GBE1: variants seen among roughly 807,000 people sequenced by gnomAD.
The protein encoded by GBE1 is 1,4-alpha-glucan branching enzyme 1.
A neutral mutation model predicts 88.8 loss-of-function variants in GBE1; 70 were observed. That is an observed-to-expected ratio of 0.79 (90% CI 0.65 to 0.96). GBE1 has a LOEUF of 0.96. Ranked by LOEUF, GBE1 falls within the 40% of genes least tolerant of loss-of-function variation. The pLI, the probability that GBE1 is intolerant of heterozygous loss-of-function variation, is 0.00. For synonymous variants in GBE1, 284 were observed against 300.1 expected, an observed-to-expected ratio of 0.95 and a Z score of 0.56; for missense variants, 872 against 871.0, an observed-to-expected ratio of 1.00 and a Z score of -0.01.
chr3:81,755,950 T>C (rs1706596442), intron 1 of GBE1, among the ~76,000 whole-genome samples: 1 of 152,156 alleles, frequency 6.6e-6, no homozygotes, highest in African/African-American at 2.4e-5. Flanking sequence ...TTTTTTTTAA[T>C]TTCTTGGAGT....
At chr3:81,721,309 T>C (rs112216177) in intron 1 of GBE1, among the ~76,000 whole-genome samples, 1 of 148,372 alleles carries the variant, frequency 6.7e-6, no homozygotes, top group Admixed American at 6.7e-5. Context: ...ATCTGTGTGC[T>C]AATAATGTCA....
At chr3:81,631,607 T>C (rs1323057333) in intron 7 of GBE1, among the ~76,000 whole-genome samples, 3 of 149,194 alleles carry the variant, frequency 2.0e-5, no homozygotes, top group Admixed American at 6.7e-5. Context: ...ATTAGCCAGG[T>C]GTGGTGGTGT....
At chr3:81,744,153 T>C (rs969896267) in intron 1 of GBE1, among the ~76,000 whole-genome samples, 1 of 152,084 alleles carries the variant, frequency 6.6e-6, no homozygotes, top group African/African-American at 2.4e-5. Context: ...CTGTCTAATA[T>C]GGTAGCCACC....
At chr3:81,758,885 T>A (rs1372761869) in intron 1 of GBE1, among the ~76,000 whole-genome samples, 2 of 152,336 alleles carry the variant, frequency 1.3e-5, no homozygotes, top group African/African-American at 2.4e-5. Context: ...CATCTTGAAT[T>A]CCCACGTGTT....
intron 5 of GBE1, among the ~76,000 whole-genome samples, chr3:81,647,877 C>T (rs1454870855): frequency 6.6e-6 from 1 of 152,084 alleles, no homozygotes; most frequent in African/African-American, 2.4e-5. Flanking sequence ...ATTCCAGGTA[C>T]TAGGCTAGAC....
intron 2 of GBE1, among the ~76,000 whole-genome samples, chr3:81,682,759 AT>A (rs1434955156): frequency 6.6e-6 from 1 of 152,236 alleles, no homozygotes; most frequent in Non-Finnish European, 1.5e-5. Flanking sequence ...TGGATATCCA[AT>A]TGAAATGAAA....
chr3:81,655,982 TTTTTG>T (rs1438035552), intron 3 of GBE1, among the ~76,000 whole-genome samples: 1 of 152,210 alleles, frequency 6.6e-6, no homozygotes, highest in Non-Finnish European at 1.5e-5. Flanking sequence ...CTTATCCTTG[TTTTTG>T]TTTTGTTTTG....
chr3:81,691,815 T>C (rs1705525738), intron 2 of GBE1, among the ~76,000 whole-genome samples: 1 of 152,004 alleles, frequency 6.6e-6, no homozygotes, highest in Admixed American at 6.6e-5. Flanking sequence ...AATAATACAG[T>C]TGAATCAAGC....
At chr3:81,496,070 C>T (rs1414609457) in intron 15 of GBE1, among the ~76,000 whole-genome samples, 2 of 152,138 alleles carry the variant, frequency 1.3e-5, no homozygotes, top group East Asian at 1.9e-4. Flanking sequence ...AAGGAAGTCC[C>T]CTGCCTCCAG....
chr3:81,745,896 G>A lies in GBE1; in HGVS notation c.143+15479C>T, dbSNP rs184421777. On this transcript the variant is annotated intron_variant, in intron 1 of 15. Coordinates refer to ENST00000429644, the MANE Select transcript of GBE1 (RefSeq NM_000158.4). ...CTAATCAATTTCTATTTGGAAAGTG[G>A]CATGCTATGATTTCTAATATATTTA... Among the ~76,000 whole-genome samples the A allele has an allele frequency of 1.1e-4, 16 of 152,108 alleles. No individual in the cohort carries two copies. In the East Asian group the frequency reaches 2.9e-3, roughly 28 times the overall value.
chr3:81,628,762 T>TGC (rs1704457415), intron 7 of GBE1, among the ~76,000 whole-genome samples: 1 of 123,902 alleles, frequency 8.1e-6, no homozygotes, highest in Non-Finnish European at 1.7e-5. Flanking sequence ...TATATATATA[T>TGC]ATATATATAT....
chr3:81,671,949 G>C (rs1705196597), intron 2 of GBE1, among the ~76,000 whole-genome samples: 1 of 151,838 alleles, frequency 6.6e-6, no homozygotes, highest in South Asian at 2.1e-4. Context: ...GAAGAACATT[G>C]TAAGTCAATG....
At chr3:81,577,237 C>T (rs1282246032) in intron 12 of GBE1, among the ~76,000 whole-genome samples, 1 of 152,056 alleles carries the variant, frequency 6.6e-6, no homozygotes, top group Non-Finnish European at 1.5e-5. Flanking sequence ...GCACCACCCA[C>T]CCTGAGTCTT....
Position 81,515,198 on chromosome 3 carries a change from G to A in GBE1, c.1935-15971C>T, listed in dbSNP as rs539745272. Among the ~76,000 whole-genome samples, 468 of 151,292 alleles carry A rather than the reference G, an allele frequency of 3.1e-3. 1 individual carries two copies. The highest frequency in any genetic ancestry group is 0.01 in the African/African-American group (432 of 41,400). On this transcript the variant is annotated intron_variant, in intron 14 of 15. Transcript: ENST00000429644. ...AACGCTGCATCCAGCAAGTGTATTC[G>A]TGCCATTTTCCAATAGCATGTGTTC...
intron 2 of GBE1, among the ~76,000 whole-genome samples, chr3:81,701,510 A>AG (rs1162882724): frequency 2.0e-5 from 3 of 151,718 alleles, no homozygotes; most frequent in Admixed American, 2.0e-4. Flanking sequence ...TGCAAATAAG[A>AG]GGGTTTTTTT....
intron 14 of GBE1, among the ~76,000 whole-genome samples, chr3:81,501,079 C>G (rs1702580084): frequency 6.6e-6 from 1 of 152,086 alleles, no homozygotes; most frequent in Non-Finnish European, 1.5e-5. Context: ...CAGTAACAAA[C>G]CTGCACATGT....
intron 1 of GBE1, among the ~76,000 whole-genome samples, chr3:81,714,768 G>A (rs1177840406): frequency 6.6e-6 from 1 of 152,180 alleles, no homozygotes; most frequent in Non-Finnish European, 1.5e-5. Flanking sequence ...AGTTCTAGAG[G>A]CTGCGAAGTC....
intron 7 of GBE1, among the ~76,000 whole-genome samples, chr3:81,613,335 C>A (rs1034802821): frequency 6.6e-6 from 1 of 151,882 alleles, no homozygotes; most frequent in Non-Finnish European, 1.5e-5. Context: ...GAATCAACAC[C>A]CCCAAGCTCT....
intron 15 of GBE1, among the ~76,000 whole-genome samples, chr3:81,492,833 G>T (rs1441663849): frequency 6.6e-6 from 1 of 151,534 alleles, no homozygotes; most frequent in African/African-American, 2.4e-5. Context: ...CGCCTCCCAG[G>T]TTCAAGCCAT....
Sources: allele counts gnomAD v4.1 joint callset (sites outside exome capture counted in the v4.1 genomes callset), GRCh38; gene constraint gnomAD v4.1.1; transcripts MANE v1.5; gene names NCBI Gene and HGNC (gene_info 2026-07-23, HGNC 2026-07-21).